The following FOCAD variants were observed in gnomAD, a reference collection of about 807,000 sequenced individuals.
FOCAD encodes the protein KIAA1797.
A neutral mutation model predicts 225.6 loss-of-function variants in FOCAD; 198 were observed. That is an observed-to-expected ratio of 0.88 (90% confidence interval 0.78 to 0.99). The LOEUF is 0.99. FOCAD is among the 50% of genes least tolerant of loss of function. The probability of loss-of-function intolerance (pLI) is 0.00; values close to 1 mark genes in which losing one functional copy is unlikely to be tolerated. For synonymous variants in FOCAD, 897 were observed against 755.0 expected (o/e 1.19, Z -3.08); for missense variants, 2,713 against 2,123.6 (o/e 1.28, Z -5.46).
At position 20,778,768 on chromosome 9, in the gene FOCAD, G is replaced by A; in HGVS notation, c.994G>A (p.Ala332Thr). The change falls in exon 9 of 44, where the codon GCT becomes ACT. Residue 332 changes from alanine (A) to threonine (T), a missense_variant and splice_region_variant. Physicochemically the swap from Ala to Thr is moderately conservative, Grantham distance 58 (BLOSUM62 0). Coordinates refer to ENST00000338382, the MANE Select transcript of FOCAD (RefSeq NM_001375567.1). ...TCAGCAGAAGCCAATCTTAAATCTA[G>A]GTAAATAAAAATACAGTCACTAGAG... Reference protein sequence around the residue: ...ASQQKPILNLALKLLSVTEDQ... With the variant: ...ASQQKPILNLTLKLLSVTEDQ... The A allele has an allele frequency of 6.3e-7, 1 of 1,583,716 alleles. No individual in the cohort carries two copies. The highest frequency in any genetic ancestry group is 8.7e-7 in the Non-Finnish European group (1 of 1,154,082).
At position 20,662,643 on chromosome 9, in the gene FOCAD, G is replaced by T. The variant is rs140426089; in HGVS notation, c.-78+3817G>T. Among the ~76,000 whole-genome samples, 679 of 151,184 alleles carry T rather than the reference G, an allele frequency of 4.5e-3. 4 individuals are homozygous for T. Among genetic ancestry groups the T allele is most frequent in the African/African-American group, 0.016 (651 of 41,166 alleles). ...TTCTATTTTTAAATTTTTTTTTTTAGAGGTGGGGGTCTCATTATATTGCCC... is the reference window on the plus strand; with the variant it reads ...TTCTATTTTTAAATTTTTTTTTTTATAGGTGGGGGTCTCATTATATTGCCC... On this transcript the variant is annotated intron_variant, in intron 2 of 45. Coordinates refer to the FOCAD transcript ENST00000380249.
At chr9:20,718,506 C>A (rs1586931858) in intron 3 of FOCAD, among the ~76,000 whole-genome samples, 1 of 150,046 alleles carries the variant, frequency 6.7e-6, no homozygotes, top group African/African-American at 2.4e-5. Flanking sequence ...AAATAAGATT[C>A]TTTTTTTTCA....
chr9:20,916,950 T>G lies in FOCAD; in HGVS notation c.2852+13T>G, dbSNP rs1306066699. 6.3e-7 allele frequency: 1 copy of G among 1,593,230 alleles called. No homozygotes were observed. The highest frequency in any genetic ancestry group is 8.5e-7 in the Non-Finnish European group (1 of 1,171,238). Reference sequence around the variant, plus strand: ...AGGCAGCTGCAAAGTAAGATCCATTTAGTCTTTTATCAAACATTTTTTATA... The same window carrying G: ...AGGCAGCTGCAAAGTAAGATCCATTGAGTCTTTTATCAAACATTTTTTATA... On this transcript the variant is annotated intron_variant, in intron 24 of 43. Coordinates refer to ENST00000338382, the MANE Select transcript of FOCAD (RefSeq NM_001375567.1).
intron 25 of FOCAD, among the ~76,000 whole-genome samples, chr9:20,924,471 T>G (rs778572765): frequency 5.9e-5 from 9 of 152,186 alleles, no homozygotes; most frequent in Non-Finnish European, 1.2e-4. Context: ...ATCTGTAAAA[T>G]GGAGGGATAA....
chr9:20,803,430 G>C (rs1822056687), intron 11 of FOCAD, among the ~76,000 whole-genome samples: 1 of 152,102 alleles, frequency 6.6e-6, no homozygotes, highest in Admixed American at 6.5e-5. Context: ...GGGAGTAATG[G>C]TCTGCTTAGT....
intron 28 of FOCAD, among the ~76,000 whole-genome samples, chr9:20,942,865 T>G (rs1350735124): frequency 6.6e-6 from 1 of 152,144 alleles, no homozygotes; most frequent in African/African-American, 2.4e-5. Flanking sequence ...TAGCACAGGG[T>G]GCTGTGGGAG....
At position 20,781,891 on chromosome 9, in the gene FOCAD, A is replaced by G; in HGVS notation, c.1159A>G (p.Met387Val). The G allele has an allele frequency of 6.2e-7, 1 of 1,614,054 alleles. No individual in the cohort carries two copies. Among genetic ancestry groups the G allele is most frequent in the Non-Finnish European group, 8.5e-7 (1 of 1,179,942 alleles). ...GCAGTTGGCTCTAAACCTTTTGGAA[A>G]TGATACAGCAGGAATGTTACAGAGA... is the stretch of plus-strand genomic sequence containing the variant. ...RQQLALNLLE[M>V]IQQECYRDDH... Residue 387 changes from methionine to valine, a missense_variant, in exon 10 of 44, where the codon ATG becomes GTG. Coordinates refer to ENST00000338382, the MANE Select transcript of FOCAD (RefSeq NM_001375567.1).
At chr9:20,939,391 C>T (rs994698361) in intron 28 of FOCAD, among the ~76,000 whole-genome samples, 1 of 151,994 alleles carries the variant, frequency 6.6e-6, no homozygotes, top group African/African-American at 2.4e-5. Context: ...TCTTACCACC[C>T]AAAGATGTTC....
At chr9:20,918,548 C>A (rs1429753922) in intron 24 of FOCAD, among the ~76,000 whole-genome samples, 1 of 151,972 alleles carries the variant, frequency 6.6e-6, no homozygotes, top group Non-Finnish European at 1.5e-5. Context: ...ACGGTGAAAC[C>A]CCGTCTCTAC....
intron 1 of FOCAD, among the ~76,000 whole-genome samples, chr9:20,704,477 A>G (rs1319432130): frequency 6.6e-6 from 1 of 152,188 alleles, no homozygotes; most frequent in African/African-American, 2.4e-5. Flanking sequence ...ATAAACTTGT[A>G]ATCAGTCTAT....
chr9:20,835,702 T>C (rs1017061365), intron 15 of FOCAD, among the ~76,000 whole-genome samples: 3 of 152,080 alleles, frequency 2.0e-5, no homozygotes, highest in African/African-American at 7.2e-5. Context: ...GATTAACTTT[T>C]AACATTTTGT....
chr9:20,787,256 T>G (rs1220243211), intron 10 of FOCAD, among the ~76,000 whole-genome samples: 1 of 152,224 alleles, frequency 6.6e-6, no homozygotes, highest in African/African-American at 2.4e-5. Flanking sequence ...TTCATTTACA[T>G]AAGTTTTATT....
intron 39 of FOCAD, among the ~76,000 whole-genome samples, chr9:20,985,365 T>C (rs190426246): frequency 6.6e-6 from 1 of 152,308 alleles, no homozygotes; most frequent in Admixed American, 6.5e-5. Context: ...TTTTTACATA[T>C]TGGGAAGCTG....
chr9:20,891,012 T>C (rs1831567704), intron 21 of FOCAD, among the ~76,000 whole-genome samples: 1 of 152,164 alleles, frequency 6.6e-6, no homozygotes, highest in Non-Finnish European at 1.5e-5. Flanking sequence ...TACCATATGC[T>C]TACTTCATGT....
At chr9:20,907,664 T>G (rs976004909) in intron 22 of FOCAD, among the ~76,000 whole-genome samples, 2 of 152,114 alleles carry the variant, frequency 1.3e-5, no homozygotes, top group Non-Finnish European at 2.9e-5. Context: ...GTTAAATTTC[T>G]TTGTTTTCCT....
At chr9:20,989,550 G>T (rs927919735) in intron 41 of FOCAD, among the ~76,000 whole-genome samples, 2 of 152,100 alleles carry the variant, frequency 1.3e-5, no homozygotes, top group Non-Finnish European at 2.9e-5. Context: ...TGGGCACAAT[G>T]GCACATGTCT....
chr9:20,916,208 T>C (rs1833850861), intron 23 of FOCAD, among the ~76,000 whole-genome samples: 1 of 152,186 alleles, frequency 6.6e-6, no homozygotes, highest in Non-Finnish European at 1.5e-5. Context: ...ATGATCCTTT[T>C]AAAAAAGTAA....
intron 21 of FOCAD, among the ~76,000 whole-genome samples, chr9:20,890,537 C>G (rs1340574419): frequency 1.3e-5 from 2 of 152,010 alleles, no homozygotes; most frequent in Non-Finnish European, 2.9e-5. Context: ...TCCGCTTGAT[C>G]ATAGCCTATT....
chr9:20,988,384 T>C lies in FOCAD; in HGVS notation c.4959T>C (p.Asn1653=), dbSNP rs769935270. The part of the protein sequence containing the change: ...WLLELMGYIR[N]VAYQSTSFHN... ...TGGAACTGATGGGTTATATTAGAAA[T>C]GTTGCTTACCAGTCAACATCCTTTC... Residue 1653 remains asparagine, a synonymous_variant, in exon 41 of 44, where the codon AAT becomes AAC. Coordinates refer to ENST00000338382, the MANE Select transcript of FOCAD (RefSeq NM_001375567.1). 6.2e-7 allele frequency: 1 copy of C among 1,612,332 alleles called. No homozygotes were observed. Among genetic ancestry groups the C allele is most frequent in the Middle Eastern group, 1.7e-4 (1 of 6,056 alleles).
Sources: allele counts gnomAD v4.1 joint callset (sites outside exome capture counted in the v4.1 genomes callset), GRCh38; gene constraint gnomAD v4.1.1; transcripts MANE v1.5; gene names NCBI Gene and HGNC (gene_info 2026-07-23, HGNC 2026-07-21).